The following WNK1 variants were observed in gnomAD, a reference collection of about 807,000 sequenced individuals.
WNK1 encodes the protein serine/threonine-protein kinase WNK1.
A neutral mutation model predicts 222.8 loss-of-function variants in WNK1; 38 were observed. The observed-to-expected ratio is 0.17, with a 90% confidence interval of 0.13 to 0.22. The LOEUF (loss-of-function observed/expected upper bound fraction) is 0.22. WNK1 is among the 10% of genes least tolerant of loss of function. The probability of loss-of-function intolerance (pLI) is 1.00; values close to 1 mark genes in which losing one functional copy is unlikely to be tolerated. For synonymous variants in WNK1, 1,090 were observed against 1,092.9 expected (o/e 1.00, Z 0.05); for missense variants, 2,348 against 2,918.4 (o/e 0.80, Z 4.50).
chr12:842,522 T>C (rs544573512), intron 4 of WNK1, among the ~76,000 whole-genome samples: 1 of 152,314 alleles, frequency 6.6e-6, no homozygotes, highest in Admixed American at 6.5e-5. Flanking sequence ...CCTTAATTTT[T>C]ACCCTATAAT....
At position 799,753 on chromosome 12, in the gene WNK1, C is replaced by T. The variant is rs151321249; in HGVS notation, c.760-13889C>T. Among the ~76,000 whole-genome samples the T allele has an allele frequency of 5.3e-3, 809 of 152,194 alleles. 7 individuals carry two copies. Among genetic ancestry groups the T allele is most frequent in the Middle Eastern group, 0.027 (8 of 292 alleles). ...AGGCTGGAGTGCAGTGGCACAATCT[C>T]GGCTTGTTGCAACCTCTGCCTCCCG... On this transcript the variant is annotated intron_variant, in intron 1 of 27. Coordinates refer to ENST00000315939, the MANE Select transcript of WNK1 (RefSeq NM_018979.4).
At chr12:864,110 G>GTTTTTTTTTTTTTTTTTTT (rs372936466) in intron 8 of WNK1, among the ~76,000 whole-genome samples, 19 of 124,576 alleles carry the variant, frequency 1.5e-4, no homozygotes, top group African/African-American at 5.1e-4. Context: ...ATTTTTTTAA[G>GTTTTTTTTTTTTTTTTTTT]TTTTTTTTTT....
intron 8 of WNK1, chr12:865,114 G>T (rs566423174): frequency 2.4e-5 from 36 of 1,515,478 alleles, no homozygotes; most frequent in Non-Finnish European, 3.2e-5. Context: ...GTTGAGCCTC[G>T]TCGTGGCCGT....
rs1367085372 is a variant in WNK1 at position 900,511 on chromosome 12, C to T, written c.6484C>T (p.His2162Tyr). The T allele has an allele frequency of 9.3e-6, 15 of 1,614,042 alleles. No homozygotes were observed. Among genetic ancestry groups the T allele is most frequent in the African/African-American group, 1.3e-5 (1 of 74,932 alleles). The change falls in exon 26 of 28, where the codon CAC (histidine) becomes TAC (tyrosine). Residue 2162 changes from histidine (H) to tyrosine (Y), a missense_variant. This residue lies in a region of WNK1 where 1,144 missense variants were observed against 1,273.6 expected (regional missense o/e 0.90). Coordinates refer to ENST00000315939, the MANE Select transcript of WNK1 (RefSeq NM_018979.4). Reference sequence around the variant, plus strand: ...TGGTCAGAGTGCAGCTTCAGTCTTGCACCCCCAGCAGACCCTCCACCCTCC... The same window carrying T: ...TGGTCAGAGTGCAGCTTCAGTCTTGTACCCCCAGCAGACCCTCCACCCTCC... ...LSGQSAASVL[H>Y]PQQTLHPPGN...
At chr12:853,712 G>T (rs1460837245) in intron 4 of WNK1, among the ~76,000 whole-genome samples, 1 of 152,140 alleles carries the variant, frequency 6.6e-6, no homozygotes, top group Non-Finnish European at 1.5e-5. Flanking sequence ...ATTGCCAGTA[G>T]GCTACATACA....
chr12:848,905 C>G (rs1950222540), intron 4 of WNK1, among the ~76,000 whole-genome samples: 1 of 152,102 alleles, frequency 6.6e-6, no homozygotes, highest in Non-Finnish European at 1.5e-5. Context: ...TCTCCTCAAG[C>G]CCCCCAAAGC....
At chr12:850,340 G>A (rs1166690303) in intron 4 of WNK1, among the ~76,000 whole-genome samples, 2 of 152,058 alleles carry the variant, frequency 1.3e-5, no homozygotes, top group African/African-American at 4.8e-5. Flanking sequence ...ATTTTTTCAT[G>A]TGTCTTTTGG....
At chr12:791,114 G>T (rs530171102) in intron 1 of WNK1, among the ~76,000 whole-genome samples, 1 of 152,104 alleles carries the variant, frequency 6.6e-6, no homozygotes, top group Admixed American at 6.6e-5. Flanking sequence ...AGGATTGGCA[G>T]ATCGTAGTAA....
At chr12:769,501 C>G (rs1473043274) in intron 1 of WNK1, among the ~76,000 whole-genome samples, 2 of 152,150 alleles carry the variant, frequency 1.3e-5, no homozygotes, top group African/African-American at 2.4e-5. Flanking sequence ...AATGCCTAGC[C>G]CCTTCTGCAT....
chr12:886,172 T>G, intron 19 of WNK1, 88 bp downstream of exon 19: 1 of 1,175,844 alleles, frequency 8.5e-7, no homozygotes, highest in East Asian at 2.6e-5. Context: ...GCCTTGTAAG[T>G]TAGAAACATA....
At chr12:778,897 G>A (rs116777040) in intron 1 of WNK1, among the ~76,000 whole-genome samples, 542 of 152,192 alleles carry the variant, frequency 3.6e-3, no homozygotes, top group African/African-American at 0.013. Context: ...ATGAGCAAAA[G>A]CTGGTACTAC....
intron 14 of WNK1, among the ~76,000 whole-genome samples, 163 bp downstream of exon 14, chr12:882,236 G>A (rs954253131): frequency 3.3e-5 from 5 of 151,742 alleles, no homozygotes; most frequent in African/African-American, 4.8e-5. Flanking sequence ...TCGCTCTGTC[G>A]CCCAGGCTGG....
intron 16 of WNK1, 87 bp from the exon 17 acceptor site, chr12:883,687 T>C (rs1953388579): frequency 6.3e-7 from 1 of 1,597,232 alleles, no homozygotes; most frequent in Non-Finnish European, 8.6e-7. Flanking sequence ...AACAAACTTT[T>C]ATGTTCTCTT....
intron 2 of WNK1, among the ~76,000 whole-genome samples, chr12:822,780 A>G (rs1268872100): frequency 6.6e-6 from 1 of 152,230 alleles, no homozygotes; most frequent in Non-Finnish European, 1.5e-5. Context: ...CATGTAGGAA[A>G]TAAAAGGAAT....
intron 1 of WNK1, among the ~76,000 whole-genome samples, chr12:759,478 G>A (rs555516402): frequency 1.4e-5 from 2 of 146,960 alleles, no homozygotes; most frequent in South Asian, 4.5e-4. Context: ...TTACAGGCGA[G>A]CGCCACCACG....
At chr12:849,882 A>G (rs1480886904) in intron 4 of WNK1, among the ~76,000 whole-genome samples, 2 of 152,132 alleles carry the variant, frequency 1.3e-5, no homozygotes, top group African/African-American at 2.4e-5. Context: ...CCATGTCCCT[A>G]CAAAGGACAT....
In WNK1 at chr12:881,002, A is replaced by G. The variant is rs1211966189; in HGVS notation, c.3111+3A>G. The G allele has an allele frequency of 2.5e-6, 4 of 1,614,026 alleles. No individual in the cohort carries two copies. The highest frequency in any genetic ancestry group is 3.4e-6 in the Non-Finnish European group (4 of 1,180,022). On this transcript the variant is annotated splice_donor_region_variant and intron_variant, in intron 12 of 27. Transcript: ENST00000315939. ...CCTCCCAGCAAGCAGTTTTGGAGGT[A>G]AATAGAATTACTGCATGTTTATATG... is the stretch of plus-strand genomic sequence containing the variant.
intron 1 of WNK1, among the ~76,000 whole-genome samples, chr12:785,361 T>G (rs1944167304): frequency 6.6e-6 from 1 of 151,932 alleles, no homozygotes. Flanking sequence ...ATATGTTGGT[T>G]CTCCTAGACC....
intron 1 of WNK1, among the ~76,000 whole-genome samples, chr12:758,209 G>T (rs942565493): frequency 1.4e-5 from 2 of 145,802 alleles, no homozygotes; most frequent in East Asian, 3.9e-4. Flanking sequence ...TCATATTTTT[G>T]TTGAAGCTCC....
Sources: allele counts gnomAD v4.1 joint callset (sites outside exome capture counted in the v4.1 genomes callset), GRCh38; gene constraint gnomAD v4.1.1; regional missense constraint gnomAD v4.1.1; transcripts MANE v1.5; gene names NCBI Gene and HGNC (gene_info 2026-07-23, HGNC 2026-07-21).